Variants in ADAMTS18 observed in about 807,000 individuals in gnomAD.
ADAMTS18 encodes the protein ADAM metallopeptidase with thrombospondin type 1 motif 18, also known as A disintegrin and metalloproteinase with thrombospondin motifs 18.
In ADAMTS18, 157 loss-of-function variants were observed where a neutral mutation model predicts 165.9. The observed-to-expected ratio is 0.95, with a 90% CI of 0.83 to 1.08. The LOEUF (loss-of-function observed/expected upper bound fraction) is 1.08, where lower values mean the gene tolerates loss of function less well. Among genes scored for constraint, ADAMTS18 ranks in the 50% least tolerant of loss-of-function variants. The pLI is 0.00. For synonymous variants in ADAMTS18, 782 were observed against 578.2 expected, an observed-to-expected ratio of 1.35 and a Z score of -5.06; for missense variants, 2,040 against 1,534.0, an observed-to-expected ratio of 1.33 and a Z score of -5.51.
chr16:77,363,740 G>A, intron 6 of ADAMTS18, 62 bp downstream of exon 6: 4 of 1,498,800 alleles, frequency 2.7e-6, no homozygotes, highest in Middle Eastern at 1.7e-4. Context: ...CACAGTAGGT[G>A]TTCAAGAAAT....
intron 3 of ADAMTS18, among the ~76,000 whole-genome samples, chr16:77,394,897 G>T (rs1005461463): frequency 2.6e-5 from 4 of 152,284 alleles, no homozygotes; most frequent in Admixed American, 1.3e-4. Context: ...TGAGTGCACA[G>T]CAAAACTGCA....
intron 6 of ADAMTS18, among the ~76,000 whole-genome samples, chr16:77,362,777 C>G (rs935489872): frequency 6.6e-6 from 1 of 152,144 alleles, no homozygotes; most frequent in Non-Finnish European, 1.5e-5. Context: ...TTAAAATAAT[C>G]ATTTGTCAAA....
chr16:77,360,027 G>C (rs1246970542), intron 7 of ADAMTS18, among the ~76,000 whole-genome samples: 1 of 152,168 alleles, frequency 6.6e-6, no homozygotes, highest in Admixed American at 6.5e-5. Flanking sequence ...CAGCCCTTAA[G>C]TCTATCTTCA....
At chr16:77,377,656 A>G (rs1030491148) in intron 3 of ADAMTS18, among the ~76,000 whole-genome samples, 4 of 152,244 alleles carry the variant, frequency 2.6e-5, no homozygotes, top group African/African-American at 7.2e-5. Context: ...ATACTAGCAA[A>G]GACATATTTG....
At chr16:77,362,860 T>C (rs1165887105) in intron 6 of ADAMTS18, among the ~76,000 whole-genome samples, 2 of 152,202 alleles carry the variant, frequency 1.3e-5, no homozygotes, top group Non-Finnish European at 2.9e-5. Flanking sequence ...TATCAGTTAA[T>C]TAGGATGTGG....
chr16:77,336,667 C>A (rs2056315750), intron 11 of ADAMTS18, among the ~76,000 whole-genome samples: 1 of 152,162 alleles, frequency 6.6e-6, no homozygotes, highest in Non-Finnish European at 1.5e-5. Context: ...GAGCTTTTTT[C>A]TGTATTAACC....
Position 77,297,414 on chromosome 16 carries a change from A to C in ADAMTS18, c.2676T>G (p.Gly892=). 1 of 1,611,444 alleles carries C rather than the reference A, an allele frequency of 6.2e-7. No individual in the cohort carries two copies. Among genetic ancestry groups the C allele is most frequent in the African/African-American group, 1.3e-5 (1 of 74,982 alleles). The change falls in exon 18 of 23, where the codon GGT becomes GGG. Residue 892 remains glycine (G), a splice_region_variant and synonymous_variant. Transcript: ENST00000282849. ...QSECSVSCGG[G]YINVKAICLR... Reference sequence around the variant, plus strand: ...AGCAAATGGCCTTTACATTTATGTAACCTGGTAAGACATCAGAAGTGACAA... The same window carrying C: ...AGCAAATGGCCTTTACATTTATGTACCCTGGTAAGACATCAGAAGTGACAA...
chr16:77,403,563 C>T (rs2144814202), intron 3 of ADAMTS18, among the ~76,000 whole-genome samples: 1 of 152,230 alleles, frequency 6.6e-6, no homozygotes, highest in East Asian at 1.9e-4. Context: ...GTAATAGTTC[C>T]CTGCCCTCTG....
At chr16:77,414,210 T>G (rs1421794247) in intron 3 of ADAMTS18, among the ~76,000 whole-genome samples, 3 of 152,196 alleles carry the variant, frequency 2.0e-5, no homozygotes, top group Non-Finnish European at 4.4e-5. Context: ...GGACAAACAA[T>G]TTTAGCAAAC....
At chr16:77,404,548 T>G (rs576590832) in intron 3 of ADAMTS18, among the ~76,000 whole-genome samples, 1 of 152,150 alleles carries the variant, frequency 6.6e-6, no homozygotes, top group Non-Finnish European at 1.5e-5. Context: ...GAATCAACAC[T>G]GGAAATAAGA....
At chr16:77,307,219 C>T (rs953679927) in intron 16 of ADAMTS18, among the ~76,000 whole-genome samples, 1 of 152,202 alleles carries the variant, frequency 6.6e-6, no homozygotes. Flanking sequence ...CCTTACACTC[C>T]TGTGTCTCAC....
intron 16 of ADAMTS18, among the ~76,000 whole-genome samples, chr16:77,308,419 T>G (rs1252141866): frequency 6.6e-6 from 1 of 152,044 alleles, no homozygotes; most frequent in Non-Finnish European, 1.5e-5. Context: ...GTTGTGTGTG[T>G]GTATGTGGGT....
At chr16:77,363,740 G>T in intron 6 of ADAMTS18, 62 bp downstream of exon 6, 1 of 1,498,800 alleles carries the variant, frequency 6.7e-7, no homozygotes, top group Non-Finnish European at 9.3e-7. Flanking sequence ...CACAGTAGGT[G>T]TTCAAGAAAT....
chr16:77,297,146 C>G, intron 18 of ADAMTS18, 143 bp downstream of exon 18: 2 of 1,259,012 alleles, frequency 1.6e-6, no homozygotes, highest in Non-Finnish European at 2.3e-6. Flanking sequence ...AGCTCATCAT[C>G]TTCTATTACT....
Position 77,291,379 on chromosome 16 carries a change from G to T in ADAMTS18, c.3289C>A (p.Arg1097Ser). 1 of 1,614,018 alleles carries T rather than the reference G, an allele frequency of 6.2e-7. No individual in the cohort carries two copies. The highest frequency in any genetic ancestry group is 8.5e-7 in the Non-Finnish European group (1 of 1,179,978). Residue 1097 changes from arginine (R) to serine (S), a missense_variant, in exon 21 of 23, where the codon CGT (arginine) becomes AGT (serine). Transcript: ENST00000282849. ...TCCAGATTTGGTTTCTTAATATTAC[G>T]GCATCTTCGCTCTGGGAAAGTTATC... is the stretch of plus-strand genomic sequence containing the variant. ...KLITFPERRCRNIKKPNLDLE... is the reference protein window; with the variant it reads ...KLITFPERRCSNIKKPNLDLE...
intron 10 of ADAMTS18, among the ~76,000 whole-genome samples, chr16:77,348,622 G>A (rs142017738): frequency 6.6e-4 from 100 of 152,314 alleles, no homozygotes; most frequent in Non-Finnish European, 1.1e-3. Context: ...GGAAGTGGGA[G>A]TGCTAAAACA....
chr16:77,376,805 C>G (rs1360612006), intron 3 of ADAMTS18, among the ~76,000 whole-genome samples: 3 of 127,284 alleles, frequency 2.4e-5, no homozygotes, highest in Non-Finnish European at 3.2e-5. Context: ...GGGCCTAAAT[C>G]ATTCTTTTTT....
At chr16:77,434,566 C>G (rs1222951620) in intron 1 of ADAMTS18, 40 bp downstream of exon 1, 2 of 1,530,742 alleles carry the variant, frequency 1.3e-6, no homozygotes, top group Admixed American at 2.0e-5. Context: ...TCGGGCGCCC[C>G]CTGCCACCCG....
chr16:77,319,945 G>A lies in ADAMTS18; in HGVS notation c.2436C>T (p.Phe812=). 1.2e-6 allele frequency: 2 copies of A among 1,614,200 alleles called. No homozygotes were observed. Among genetic ancestry groups the A allele is most frequent in the South Asian group, 2.2e-5 (2 of 91,086 alleles). Residue 812 remains phenylalanine (F), a synonymous_variant, in exon 16 of 23, where the codon TTC becomes TTT. Transcript: ENST00000282849. ...ATTCAAACGTGGTCCCAGCGAAGGG[G>A]AACTCCCCAGGCCAGTCGATGCTCC... ...GGWSIDWPGE[F]PFAGTTFEYQ...
Sources: allele counts gnomAD v4.1 joint callset (sites outside exome capture counted in the v4.1 genomes callset), GRCh38; gene constraint gnomAD v4.1.1; transcripts MANE v1.5; gene names NCBI Gene and HGNC (gene_info 2026-07-23, HGNC 2026-07-21).